Variants in CCDC73 observed in about 807,000 individuals in gnomAD.
CCDC73 encodes the protein coiled-coil domain containing 73.
Under a neutral mutation model 116.5 loss-of-function variants are expected in CCDC73, and 95 were observed. The ratio of observed to expected loss-of-function variants is 0.82; its 90% CI spans 0.69 to 0.97. CCDC73 has a LOEUF of 0.97. Ranked by LOEUF, CCDC73 falls within the 50% of genes least tolerant of loss-of-function variation. The pLI is 0.00. For synonymous variants in CCDC73, 398 were observed against 401.3 expected, an observed-to-expected ratio of 0.99 and a Z score of 0.10; for missense variants, 1,066 against 1,206.8, an observed-to-expected ratio of 0.88 and a Z score of 1.73.
At chr11:32,829,825 C>T in the CCDC73 span, 1 of 985,404 alleles carries the variant, frequency 1.0e-6, no homozygotes, top group Non-Finnish European at 1.2e-6. Context: ...CGCGGGCTCC[C>T]GGGAGACGCC....
chr11:32,634,862 C>T (rs1433229479), intron 14 of CCDC73, among the ~76,000 whole-genome samples: 1 of 152,160 alleles, frequency 6.6e-6, no homozygotes, highest in African/African-American at 2.4e-5. Context: ...CAGTTCATCC[C>T]TGTAATCCCA....
chr11:32,777,022 T>TATAA (rs1565099388), intron 1 of CCDC73, among the ~76,000 whole-genome samples: 1 of 131,026 alleles, frequency 7.6e-6, no homozygotes, highest in African/African-American at 3.0e-5. Context: ...TATATATATA[T>TATAA]AATTGAACTT....
intron 6 of CCDC73, among the ~76,000 whole-genome samples, chr11:32,690,021 C>A (rs1856240117): frequency 6.6e-6 from 1 of 151,866 alleles, no homozygotes; most frequent in African/African-American, 2.4e-5. Context: ...ACATAAGATG[C>A]TCACAGGCAT....
At chr11:32,803,673 A>G in the CCDC73 span, among the ~76,000 whole-genome samples, 1 of 152,372 alleles carries the variant, frequency 6.6e-6, no homozygotes, top group South Asian at 2.1e-4. Context: ...ATAATGTGAC[A>G]TAATGCTATA....
intron 2 of CCDC73, among the ~76,000 whole-genome samples, chr11:32,749,626 T>C (rs1031613961): frequency 2.0e-5 from 3 of 152,068 alleles, no homozygotes; most frequent in African/African-American, 7.2e-5. Context: ...TTTTTTGTAG[T>C]CTTCACAGTC....
chr11:32,765,640 A>G (rs34927226), intron 1 of CCDC73, among the ~76,000 whole-genome samples: 12,814 of 152,278 alleles, frequency 0.084, 616 homozygotes, highest in South Asian at 0.12. Flanking sequence ...TTATAGCACT[A>G]AATGCCCACA....
intron 3 of CCDC73, among the ~76,000 whole-genome samples, chr11:32,706,204 G>A (rs1849854278): frequency 6.6e-6 from 1 of 152,156 alleles, no homozygotes; most frequent in African/African-American, 2.4e-5. Flanking sequence ...AGGAAGGAAG[G>A]AAAGAATGAG....
chr11:32,809,156 C>A, the CCDC73 span, among the ~76,000 whole-genome samples: 1 of 152,174 alleles, frequency 6.6e-6, no homozygotes, highest in Admixed American at 6.5e-5. Context: ...ACATCATAAG[C>A]ATCCAGGACA....
intron 2 of CCDC73, among the ~76,000 whole-genome samples, chr11:32,754,334 C>T (rs1300086899): frequency 6.6e-6 from 1 of 151,920 alleles, no homozygotes; most frequent in African/African-American, 2.4e-5. Flanking sequence ...AATTAGAAAA[C>T]AACAAAATGA....
chr11:32,745,817 G>T (rs111789397), intron 2 of CCDC73, among the ~76,000 whole-genome samples: 1 of 143,734 alleles, frequency 7.0e-6, no homozygotes, highest in Non-Finnish European at 1.5e-5. Flanking sequence ...GCCTATGTGT[G>T]TCTCTGCACG....
At chr11:32,713,034 A>C (rs1478931123) in intron 3 of CCDC73, among the ~76,000 whole-genome samples, 2 of 152,074 alleles carry the variant, frequency 1.3e-5, no homozygotes, top group Admixed American at 6.6e-5. Context: ...TTGTTTTTCC[A>C]TTACCCAAAG....
intron 2 of CCDC73, among the ~76,000 whole-genome samples, chr11:32,756,830 AAAG>A (rs1338741085): frequency 6.6e-6 from 1 of 152,134 alleles, no homozygotes; most frequent in Non-Finnish European, 1.5e-5. Flanking sequence ...TGCTAAATAA[AAAG>A]ATCTCTTCAG....
At chr11:32,806,954 T>A in the CCDC73 span, among the ~76,000 whole-genome samples, 1 of 152,038 alleles carries the variant, frequency 6.6e-6, no homozygotes, top group Non-Finnish European at 1.5e-5. Flanking sequence ...TAAGACAAAA[T>A]AATCTGTTTT....
intron 1 of CCDC73, among the ~76,000 whole-genome samples, chr11:32,788,660 G>T (rs1036175352): frequency 6.6e-6 from 1 of 151,852 alleles, no homozygotes; most frequent in Non-Finnish European, 1.5e-5. Context: ...TTTTTTGTAG[G>T]GATGGGGTCT....
chr11:32,669,615 C>A (rs1856018317), intron 9 of CCDC73, among the ~76,000 whole-genome samples: 1 of 151,426 alleles, frequency 6.6e-6, no homozygotes, highest in Non-Finnish European at 1.5e-5. Flanking sequence ...CCGCCCCTCA[C>A]TACATTTCCC....
At chr11:32,721,655 G>A (rs1402878783) in intron 2 of CCDC73, among the ~76,000 whole-genome samples, 1 of 149,726 alleles carries the variant, frequency 6.7e-6, no homozygotes, top group Non-Finnish European at 1.5e-5. Context: ...GTGCAGTGGT[G>A]CGATCTCAGT....
chr11:32,638,736 C>T (rs2133246653), intron 13 of CCDC73, among the ~76,000 whole-genome samples: 1 of 152,254 alleles, frequency 6.6e-6, no homozygotes, highest in South Asian at 2.1e-4. Flanking sequence ...CTCAGCCTCC[C>T]AAAGTGCTGG....
At chr11:32,714,310 A>T (rs1849925763) in intron 3 of CCDC73, among the ~76,000 whole-genome samples, 1 of 152,084 alleles carries the variant, frequency 6.6e-6, no homozygotes, top group Non-Finnish European at 1.5e-5. Flanking sequence ...TAAACTTGTT[A>T]AGAGTTTGCC....
At chr11:32,753,959 C>T (rs759915708) in intron 2 of CCDC73, among the ~76,000 whole-genome samples, 9 of 151,966 alleles carry the variant, frequency 5.9e-5, no homozygotes, top group Non-Finnish European at 1.0e-4. Flanking sequence ...CTCCTAATAC[C>T]ACTTACTGAC....
Sources: gnomAD v4.1 joint callset for allele counts (sites outside exome capture counted in the v4.1 genomes callset) on GRCh38, gnomAD v4.1.1 for gene constraint, MANE v1.5 for transcripts, NCBI Gene and HGNC (gene_info 2026-07-23, HGNC 2026-07-21) for gene names.